GRIP1: variants seen among roughly 807,000 people sequenced by gnomAD.
GRIP1 encodes glutamate receptor interacting protein 1.
In GRIP1, 45 loss-of-function variants were observed where a neutral mutation model predicts 129.9. The ratio of observed to expected loss-of-function variants is 0.35; its 90% CI spans 0.27 to 0.44. The LOEUF (loss-of-function observed/expected upper bound fraction) is 0.44. Among genes scored for constraint, GRIP1 ranks in the 20% least tolerant of loss-of-function variants. GRIP1 has a pLI of 1.00. For synonymous variants in GRIP1, 530 were observed against 520.8 expected, an observed-to-expected ratio of 1.02 and a Z score of -0.24; for missense variants, 1,196 against 1,396.8, an observed-to-expected ratio of 0.86 and a Z score of 2.29.
rs549250405 is a variant in GRIP1 at position 66,529,841 on chromosome 12, A to G, written c.492T>C (p.Phe164=). The G allele has an allele frequency of 6.3e-7, 1 of 1,587,058 alleles. No individual in the cohort carries two copies. Among genetic ancestry groups the G allele is most frequent in the South Asian group, 1.1e-5 (1 of 90,514 alleles). The change falls in exon 5 of 25, where the codon TTT becomes TTC. Residue 164 remains phenylalanine, a synonymous_variant. Coordinates refer to ENST00000359742, the MANE Select transcript of GRIP1 (RefSeq NM_001366722.1). ...TLHKEGNTFG[F]VIRGGAHDDR... The stretch of plus-strand genomic sequence containing the variant: ...CTAACCAACACCTACCTCGAATTAC[A>G]AAACCAAAGGTATTGCCTTCTTTAT...
At chr12:66,491,107 T>C (rs974580805) in intron 7 of GRIP1, among the ~76,000 whole-genome samples, 2 of 152,228 alleles carry the variant, frequency 1.3e-5, no homozygotes, top group African/African-American at 4.8e-5. Flanking sequence ...ATCCCATTAC[T>C]GTGTACATGT....
intron 1 of GRIP1, among the ~76,000 whole-genome samples, chr12:66,919,941 T>C (rs949214253): frequency 6.6e-6 from 1 of 152,138 alleles, no homozygotes; most frequent in African/African-American, 2.4e-5. Flanking sequence ...ATATATTATA[T>C]AATCAATTTA....
At chr12:66,866,677 A>G (rs2040210467) in intron 1 of GRIP1, among the ~76,000 whole-genome samples, 1 of 152,188 alleles carries the variant, frequency 6.6e-6, no homozygotes, top group Non-Finnish European at 1.5e-5. Context: ...GTCATTTTCC[A>G]TGTGATTATT....
At chr12:66,945,588 A>C (rs2041655680) in intron 1 of GRIP1, among the ~76,000 whole-genome samples, 1 of 152,138 alleles carries the variant, frequency 6.6e-6, no homozygotes, top group South Asian at 2.1e-4. Context: ...GAGGTGCCAC[A>C]TACTTTGAAA....
At chr12:66,868,210 T>G (rs974041769) in intron 1 of GRIP1, among the ~76,000 whole-genome samples, 1 of 152,020 alleles carries the variant, frequency 6.6e-6, no homozygotes, top group Non-Finnish European at 1.5e-5. Context: ...AAGGGGGAAA[T>G]GCATGCTGTT....
At chr12:66,697,209 T>C (rs1033993168) in intron 1 of GRIP1, among the ~76,000 whole-genome samples, 1 of 152,186 alleles carries the variant, frequency 6.6e-6, no homozygotes, top group Non-Finnish European at 1.5e-5. Flanking sequence ...AAAAGACCAA[T>C]TTTCCTTCTC....
At position 66,678,215 on chromosome 12, in the gene GRIP1, C is replaced by T. The variant is rs750702780; in HGVS notation, c.55+635G>A. Among the ~76,000 whole-genome samples the T allele has an allele frequency of 5.3e-4, 79 of 150,050 alleles. 1 individual carries two copies. Among genetic ancestry groups the T allele is most frequent in the Admixed American group, 5.3e-4 (8 of 15,186 alleles). ...GAAATTTAATTACTATTTTAGAGTTCTAAGAGTGACAATCTGAAGCTGGTA... is the reference window on the plus strand; with the variant it reads ...GAAATTTAATTACTATTTTAGAGTTTTAAGAGTGACAATCTGAAGCTGGTA... On this transcript the variant is annotated intron_variant, in intron 1 of 24. Transcript: ENST00000359742.
At chr12:66,847,622 A>G (rs949915548) in intron 1 of GRIP1, among the ~76,000 whole-genome samples, 2 of 152,202 alleles carry the variant, frequency 1.3e-5, no homozygotes, top group Non-Finnish European at 2.9e-5. Flanking sequence ...TCATATGAAG[A>G]GTAGGTTTCA....
chr12:67,020,824 G>C (rs977733473), intron 1 of GRIP1, among the ~76,000 whole-genome samples: 1 of 152,092 alleles, frequency 6.6e-6, no homozygotes, highest in Non-Finnish European at 1.5e-5. Context: ...TCTGGGCCCA[G>C]TGCAGTAGCT....
chr12:66,916,756 T>G (rs2041129946), intron 1 of GRIP1, among the ~76,000 whole-genome samples: 1 of 152,056 alleles, frequency 6.6e-6, no homozygotes, highest in Non-Finnish European at 1.5e-5. Context: ...GTCCAGGAAC[T>G]GAAGCCTCTA....
chr12:66,708,339 C>A (rs1399653150), intron 1 of GRIP1, among the ~76,000 whole-genome samples: 1 of 151,900 alleles, frequency 6.6e-6, no homozygotes, highest in East Asian at 1.9e-4. Flanking sequence ...AAAATCCTAA[C>A]CCCTGTCTAA....
chr12:66,557,597 T>A (rs2062379166), intron 2 of GRIP1, among the ~76,000 whole-genome samples: 1 of 152,050 alleles, frequency 6.6e-6, no homozygotes. Flanking sequence ...TTCCAAAAAA[T>A]TTGAAATGGT....
At chr12:66,990,977 C>CAAA (rs373022223) in intron 1 of GRIP1, among the ~76,000 whole-genome samples, 1 of 102,628 alleles carries the variant, frequency 9.7e-6, no homozygotes. Context: ...AACTCCGTCG[C>CAAA]AAAAAAAAAA....
chr12:66,640,798 T>C (rs1337177529), intron 1 of GRIP1, among the ~76,000 whole-genome samples: 1 of 152,232 alleles, frequency 6.6e-6, no homozygotes, highest in East Asian at 1.9e-4. Context: ...ATTTTCTCTC[T>C]GGTTCTCCCA....
At chr12:66,972,554 A>T (rs2042089844) in intron 1 of GRIP1, among the ~76,000 whole-genome samples, 1 of 152,210 alleles carries the variant, frequency 6.6e-6, no homozygotes, top group Non-Finnish European at 1.5e-5. Context: ...ATTTTCATTT[A>T]AATAGTCACA....
chr12:66,960,334 G>C (rs767799619), intron 1 of GRIP1, among the ~76,000 whole-genome samples: 4 of 152,136 alleles, frequency 2.6e-5, no homozygotes, highest in Admixed American at 1.3e-4. Flanking sequence ...AAGAGATCTG[G>C]GGTAGGGTTG....
At chr12:66,552,542 C>T (rs1160956577) in intron 2 of GRIP1, among the ~76,000 whole-genome samples, 2 of 151,986 alleles carry the variant, frequency 1.3e-5, no homozygotes, top group Non-Finnish European at 2.9e-5. Flanking sequence ...TTCATTAGGC[C>T]GAACTTCATG....
At chr12:66,594,353 C>T (rs1473482137) in intron 2 of GRIP1, among the ~76,000 whole-genome samples, 1 of 152,166 alleles carries the variant, frequency 6.6e-6, no homozygotes, top group Non-Finnish European at 1.5e-5. Flanking sequence ...CTGTAAATGT[C>T]ATCTAGATTA....
At chr12:66,679,503 G>A (rs1392188104), upstream of GRIP1, among the ~76,000 whole-genome samples, 1 of 148,434 alleles carries the variant, frequency 6.7e-6, no homozygotes, top group Non-Finnish European at 1.5e-5. Flanking sequence ...ATTTGGGATT[G>A]AGGAAAGAAT....
Sources: allele counts gnomAD v4.1 joint callset (sites outside exome capture counted in the v4.1 genomes callset), GRCh38; gene constraint gnomAD v4.1.1; transcripts MANE v1.5; gene names NCBI Gene and HGNC (gene_info 2026-07-23, HGNC 2026-07-21).